Variants in LYPLAL1 observed in about 807,000 individuals in gnomAD.
The protein encoded by LYPLAL1 is lysophospholipase-like protein 1.
LYPLAL1 carries 23 observed loss-of-function variants against 19.7 expected under a neutral mutation model. That is an observed-to-expected ratio of 1.17 (90% confidence interval 0.84 to 1.65). The LOEUF (loss-of-function observed/expected upper bound fraction) is 1.65, where lower values mean the gene tolerates loss of function less well. Ranked by LOEUF, LYPLAL1 falls within the 40% of genes most tolerant of loss-of-function variation. LYPLAL1 has a pLI of 0.00. For missense variants in LYPLAL1, 355 were observed against 279.4 expected, an observed-to-expected ratio of 1.27 and a Z score of -1.93; for synonymous variants, 119 against 96.3, an observed-to-expected ratio of 1.24 and a Z score of -1.38.
At chr1:219,377,692 T>C in the LYPLAL1 span, among the ~76,000 whole-genome samples, 3 of 152,088 alleles carry the variant, frequency 2.0e-5, no homozygotes, top group East Asian at 5.8e-4. Context: ...TAAATCAAAT[T>C]ATTATAAATT....
At chr1:219,314,133 C>T in the LYPLAL1 span, among the ~76,000 whole-genome samples, 456 of 152,350 alleles carry the variant, frequency 3.0e-3, 3 homozygotes, top group Non-Finnish European at 5.0e-3. Context: ...CCAGCTCCAA[C>T]CATGTTGCTT....
At chr1:219,361,366 T>G in the LYPLAL1 span, among the ~76,000 whole-genome samples, 1 of 152,162 alleles carries the variant, frequency 6.6e-6, no homozygotes, top group Non-Finnish European at 1.5e-5. Context: ...TCCTTTCACT[T>G]CAAGAGCCTA....
At chr1:219,233,405 C>G in the LYPLAL1 span, among the ~76,000 whole-genome samples, 11 of 152,150 alleles carry the variant, frequency 7.2e-5, no homozygotes, top group Admixed American at 7.2e-4. Flanking sequence ...ATGAAAAGCT[C>G]TGGAGATTGT....
the LYPLAL1 span, among the ~76,000 whole-genome samples, chr1:219,432,204 G>A: frequency 3.3e-5 from 5 of 152,278 alleles, no homozygotes; most frequent in South Asian, 1.0e-3. Context: ...GAGGTAAGCT[G>A]AAATGTTACC....
At chr1:219,284,041 A>G in the LYPLAL1 span, among the ~76,000 whole-genome samples, 1 of 152,148 alleles carries the variant, frequency 6.6e-6, no homozygotes, top group African/African-American at 2.4e-5. Context: ...CCTCCATGCT[A>G]TGTGCATGAT....
chr1:219,427,698 T>A, the LYPLAL1 span, among the ~76,000 whole-genome samples: 1 of 152,184 alleles, frequency 6.6e-6, no homozygotes, highest in Non-Finnish European at 1.5e-5. Flanking sequence ...GTTTCTCCTC[T>A]GAGATGAGAA....
chr1:219,281,639 G>A, the LYPLAL1 span, among the ~76,000 whole-genome samples: 2 of 151,970 alleles, frequency 1.3e-5, no homozygotes, highest in African/African-American at 4.8e-5. Flanking sequence ...ACTGGAGAAG[G>A]CTCTTTCTCT....
At chr1:219,378,898 C>T in the LYPLAL1 span, among the ~76,000 whole-genome samples, 3 of 152,154 alleles carry the variant, frequency 2.0e-5, no homozygotes, top group African/African-American at 7.2e-5. Context: ...GTAGTTTTGA[C>T]AAGCCAATGC....
At chr1:219,174,571 A>G (rs981987117) in intron 1 of LYPLAL1, among the ~76,000 whole-genome samples, 1 of 152,050 alleles carries the variant, frequency 6.6e-6, no homozygotes, top group Non-Finnish European at 1.5e-5. Context: ...CTTCCAAGAT[A>G]GACTACAGGG....
the LYPLAL1 span, among the ~76,000 whole-genome samples, chr1:219,240,172 G>C: frequency 6.6e-6 from 1 of 152,092 alleles, no homozygotes; most frequent in Non-Finnish European, 1.5e-5. Context: ...TTGAAATCAC[G>C]TGTGCCCTTG....
chr1:219,265,141 G>T, the LYPLAL1 span, among the ~76,000 whole-genome samples: 7 of 152,232 alleles, frequency 4.6e-5, no homozygotes, highest in African/African-American at 1.4e-4. Context: ...ATGCCTGGAG[G>T]GCTGACACAG....
At chr1:219,296,980 G>A in the LYPLAL1 span, among the ~76,000 whole-genome samples, 1 of 152,166 alleles carries the variant, frequency 6.6e-6, no homozygotes, top group African/African-American at 2.4e-5. Context: ...GCAGACACTA[G>A]ACGTGCCCGC....
chr1:219,302,248 C>A, the LYPLAL1 span, among the ~76,000 whole-genome samples: 1 of 152,200 alleles, frequency 6.6e-6, no homozygotes. Context: ...TTGCTTCTAT[C>A]TCTCTCCATC....
In LYPLAL1 at chr1:219,173,975, G is replaced by A; in HGVS notation, c.85G>A (p.Gly29Ser). 1 of 1,614,092 alleles carries A rather than the reference G, an allele frequency of 6.2e-7. No individual in the cohort carries two copies. Among genetic ancestry groups the A allele is most frequent in the East Asian group, 2.2e-5 (1 of 44,874 alleles). The change falls in exon 1 of 5, where the codon GGC (glycine) becomes AGC (serine). Residue 29 changes from glycine to serine, a missense_variant. Physicochemically the swap from Gly to Ser is moderately conservative, Grantham distance 56. Coordinates refer to ENST00000366928, the MANE Select transcript of LYPLAL1 (RefSeq NM_138794.5). The part of the protein sequence containing the change: ...RHSASLIFLH[G>S]SGDSGQGLRM... ...TAGCGCCTCTCTGATCTTCCTGCATGGCTCAGGTGGATTTCAATTTTACGT... is the reference window on the plus strand; with the variant it reads ...TAGCGCCTCTCTGATCTTCCTGCATAGCTCAGGTGGATTTCAATTTTACGT...
At chr1:219,192,689 T>C (rs541680631) in intron 2 of LYPLAL1, among the ~76,000 whole-genome samples, 36 of 151,804 alleles carry the variant, frequency 2.4e-4, no homozygotes, top group African/African-American at 8.4e-4. Flanking sequence ...CAGGACCCCC[T>C]TTACTCCATT....
the LYPLAL1 span, among the ~76,000 whole-genome samples, chr1:219,275,089 C>T: frequency 1.2e-4 from 19 of 152,216 alleles, no homozygotes; most frequent in African/African-American, 4.6e-4. Flanking sequence ...ATTCTCCTCT[C>T]TCTTCCCTGC....
the LYPLAL1 span, among the ~76,000 whole-genome samples, chr1:219,277,102 C>T: frequency 1.3e-5 from 2 of 152,170 alleles, no homozygotes; most frequent in East Asian, 1.9e-4. Context: ...TCTAGAAGGG[C>T]GCTGGTCCTT....
chr1:219,177,363 T>C (rs573780684), intron 1 of LYPLAL1, among the ~76,000 whole-genome samples: 62 of 152,322 alleles, frequency 4.1e-4, no homozygotes, highest in Non-Finnish European at 4.4e-4. Context: ...CTCTCTCTTT[T>C]TGAGAAAGGA....
the LYPLAL1 span, among the ~76,000 whole-genome samples, chr1:219,444,468 G>A: frequency 6.6e-6 from 1 of 152,052 alleles, no homozygotes; most frequent in East Asian, 1.9e-4. Context: ...CTGCCTTCTT[G>A]AATTGACTCC....
Sources: allele counts gnomAD v4.1 joint callset (sites outside exome capture counted in the v4.1 genomes callset), GRCh38; gene constraint gnomAD v4.1.1; transcripts MANE v1.5; gene names NCBI Gene and HGNC (gene_info 2026-07-23, HGNC 2026-07-21).